The following NDUFAF2 variants were observed in gnomAD, a reference collection of about 807,000 sequenced individuals.
The protein encoded by NDUFAF2 is NADH:ubiquinone oxidoreductase complex assembly factor 2.
A neutral mutation model predicts 22.8 loss-of-function variants in NDUFAF2; 13 were observed. That is an observed-to-expected ratio of 0.57 (90% CI 0.37 to 0.91). The LOEUF (loss-of-function observed/expected upper bound fraction) is 0.91, where lower values mean the gene tolerates loss of function less well. NDUFAF2 is among the 40% of genes least tolerant of loss of function. The probability of loss-of-function intolerance (pLI) is 0.01; values close to 1 mark genes in which losing one functional copy is unlikely to be tolerated. For synonymous variants in NDUFAF2, 53 were observed against 64.2 expected, an observed-to-expected ratio of 0.83 and a Z score of 0.84; for missense variants, 162 against 195.2, an observed-to-expected ratio of 0.83 and a Z score of 1.01.
At chr5:61,132,050 G>A (rs1753118902) in intron 3 of NDUFAF2, among the ~76,000 whole-genome samples, 1 of 152,042 alleles carries the variant, frequency 6.6e-6, no homozygotes, top group Admixed American at 6.6e-5. Context: ...CAAGTTTCTT[G>A]TTTCTTTGCT....
At chr5:61,128,030 G>A (rs561554614) in intron 3 of NDUFAF2, among the ~76,000 whole-genome samples, 2 of 152,148 alleles carry the variant, frequency 1.3e-5, no homozygotes, top group Non-Finnish European at 2.9e-5. Flanking sequence ...CAAATCATGA[G>A]TGAACTCCCA....
At chr5:61,035,135 C>A (rs1163528609) in intron 1 of NDUFAF2, among the ~76,000 whole-genome samples, 1 of 151,108 alleles carries the variant, frequency 6.6e-6, no homozygotes, top group Non-Finnish European at 1.5e-5. Context: ...GGCGTGATCT[C>A]AGCTTACTGC....
chr5:61,121,700 A>G (rs1752978232), intron 3 of NDUFAF2, among the ~76,000 whole-genome samples: 1 of 152,156 alleles, frequency 6.6e-6, no homozygotes, highest in Non-Finnish European at 1.5e-5. Flanking sequence ...TGAGTGAAGC[A>G]GCTTACCCTC....
At chr5:61,096,597 C>CAAA (rs35508356) in intron 2 of NDUFAF2, among the ~76,000 whole-genome samples, 35 of 95,274 alleles carry the variant, frequency 3.7e-4, no homozygotes, top group South Asian at 7.2e-4. Flanking sequence ...GACACCATTG[C>CAAA]AAAAAAAAAA....
At chr5:60,976,548 A>G (rs1377112688) in intron 1 of NDUFAF2, among the ~76,000 whole-genome samples, 4 of 152,144 alleles carry the variant, frequency 2.6e-5, no homozygotes, top group African/African-American at 9.7e-5. Context: ...ACTTTGTCTC[A>G]TTTCTTTTCT....
intron 1 of NDUFAF2, among the ~76,000 whole-genome samples, chr5:60,987,901 C>T (rs1751103889): frequency 6.6e-6 from 1 of 152,108 alleles, no homozygotes. Context: ...TCCTATTAAA[C>T]ATAATACTGG....
Position 61,148,332 on chromosome 5 carries a change from G to T in NDUFAF2, c.259-4372G>T, listed in dbSNP as rs578220312. 2.6e-5 allele frequency among the ~76,000 whole-genome samples: 4 copies of T among 152,312 alleles called. No homozygotes were observed. In the South Asian group the frequency reaches 8.3e-4, roughly 32 times the overall value. ...GCCTATTGTCCAGTATCTGAAAAAT[G>T]TATTTTTGTCCAGTTTTCTAGTGGT... On this transcript the variant is annotated intron_variant, in intron 3 of 3. Transcript: ENST00000296597.
intron 3 of NDUFAF2, among the ~76,000 whole-genome samples, chr5:61,137,192 T>C (rs868751007): frequency 2.0e-5 from 3 of 152,318 alleles, no homozygotes; most frequent in Middle Eastern, 6.8e-3. Context: ...CTACTATTTC[T>C]CTGGACAATC....
At chr5:60,980,004 C>T (rs949292331) in intron 1 of NDUFAF2, among the ~76,000 whole-genome samples, 5 of 152,158 alleles carry the variant, frequency 3.3e-5, no homozygotes, top group African/African-American at 1.2e-4. Context: ...AAAATGTCTG[C>T]CAGGGAATCC....
rs148512135 is a variant in NDUFAF2 at position 61,111,493 on chromosome 5, G to A, written c.258+12461G>A. 2.1e-3 allele frequency among the ~76,000 whole-genome samples: 322 copies of A among 152,192 alleles called. 1 individual carries two copies. The highest frequency in any genetic ancestry group is 2.7e-3 in the Non-Finnish European group (186 of 67,996). On this transcript the variant is annotated intron_variant, in intron 3 of 3. Coordinates refer to ENST00000296597, the MANE Select transcript of NDUFAF2 (RefSeq NM_174889.5). ...ACTCTGTCACCCAGGCTGCAGTGCA[G>A]TGGCATGATCTTGGCTCACTGCAAC...
chr5:61,025,227 A>G (rs1449915399), intron 1 of NDUFAF2, among the ~76,000 whole-genome samples: 4 of 152,056 alleles, frequency 2.6e-5, no homozygotes. Context: ...CCTCATAAAC[A>G]TAACTGGCAC....
At chr5:61,139,849 C>T (rs1417218055) in intron 3 of NDUFAF2, among the ~76,000 whole-genome samples, 1 of 152,232 alleles carries the variant, frequency 6.6e-6, no homozygotes, top group Admixed American at 6.5e-5. Context: ...TTTTCCAATA[C>T]TCCCTACAGC....
rs868288728 is a variant in NDUFAF2 at position 60,951,591 on chromosome 5, A to G, written c.127+6209A>G. ...TGATGCATTATCCTTTTTATATATT[A>G]TTGGATTGATGTGCTTTCATTTTAT... On this transcript the variant is annotated intron_variant, in intron 1 of 3. Coordinates refer to ENST00000296597, the MANE Select transcript of NDUFAF2 (RefSeq NM_174889.5). Among the ~76,000 whole-genome samples the G allele has an allele frequency of 1.2e-4, 18 of 152,184 alleles. No individual in the cohort carries two copies. The Middle Eastern group carries it at 0.01, about 86-fold the overall frequency.
intron 3 of NDUFAF2, among the ~76,000 whole-genome samples, chr5:61,110,288 T>A (rs1411034825): frequency 7.2e-5 from 11 of 151,856 alleles, no homozygotes; most frequent in Admixed American, 2.0e-4. Context: ...TTTTTTTTTT[T>A]AAATGTATCT....
At chr5:61,022,171 CA>C (rs1481290305) in intron 1 of NDUFAF2, among the ~76,000 whole-genome samples, 11 of 152,112 alleles carry the variant, frequency 7.2e-5, no homozygotes, top group African/African-American at 2.7e-4. Flanking sequence ...TATCATGGCC[CA>C]AACAAATTGA....
intron 2 of NDUFAF2, among the ~76,000 whole-genome samples, chr5:61,081,901 C>G (rs1408534092): frequency 6.6e-6 from 1 of 152,148 alleles, no homozygotes; most frequent in African/African-American, 2.4e-5. Context: ...CATCAGCATA[C>G]ATTATTGGAA....
intron 1 of NDUFAF2, among the ~76,000 whole-genome samples, chr5:61,033,495 ATAGATT>A (rs1353084749): frequency 6.6e-6 from 1 of 152,146 alleles, no homozygotes; most frequent in Non-Finnish European, 1.5e-5. Flanking sequence ...ATTTTGTGAT[ATAGATT>A]TAATTTTTAT....
In NDUFAF2 at chr5:61,071,475, C is replaced by T. The variant is rs1032071042; in HGVS notation, c.128-1650C>T. Among the ~76,000 whole-genome samples, 4 of 152,288 alleles carry T rather than the reference C, an allele frequency of 2.6e-5. No homozygotes were observed. In the South Asian group the frequency reaches 6.2e-4, roughly 24 times the overall value. On this transcript the variant is annotated intron_variant, in intron 1 of 3. Transcript: ENST00000296597. ...GCTTTCTTAGGCTTTCCTTTTATGT[C>T]GTCCTTTCTCCTGCACAGTCACTCC...
At chr5:61,107,084 CACACACAT>C (rs1338764828) in intron 3 of NDUFAF2, among the ~76,000 whole-genome samples, 6 of 149,330 alleles carry the variant, frequency 4.0e-5, no homozygotes, top group African/African-American at 1.5e-4. Flanking sequence ...CACACACACA[CACACACAT>C]ATATGCCTAG....
Sources: gnomAD v4.1 joint callset for allele counts (sites outside exome capture counted in the v4.1 genomes callset) on GRCh38, gnomAD v4.1.1 for gene constraint, MANE v1.5 for transcripts, NCBI Gene and HGNC (gene_info 2026-07-23, HGNC 2026-07-21) for gene names.